GALNT13: variants seen among roughly 807,000 people sequenced by gnomAD.
GALNT13 encodes the protein UDP-GalNAc:polypeptide N-acetylgalactosaminyltransferase 13.
GALNT13 carries 28 observed loss-of-function variants against 64.2 expected under a neutral mutation model. The ratio of observed to expected loss-of-function variants is 0.44; its 90% confidence interval spans 0.32 to 0.60. The LOEUF (loss-of-function observed/expected upper bound fraction) is 0.60. Among genes scored for constraint, GALNT13 ranks in the 20% least tolerant of loss-of-function variants. The pLI is 0.05. For missense variants in GALNT13, 577 were observed against 669.8 expected (o/e 0.86, Z 1.53); for synonymous variants, 214 against 224.6 (o/e 0.95, Z 0.42).
At chr2:154,439,916 G>A (rs930088820) in intron 12 of GALNT13, among the ~76,000 whole-genome samples, 1 of 151,994 alleles carries the variant, frequency 6.6e-6, no homozygotes, top group Non-Finnish European at 1.5e-5. Context: ...TACTGCCTTC[G>A]CTATATCTTA....
intron 3 of GALNT13, among the ~76,000 whole-genome samples, chr2:154,084,673 G>A (rs187182355): frequency 2.6e-5 from 4 of 152,004 alleles, no homozygotes; most frequent in South Asian, 4.1e-4. Flanking sequence ...ATAGGGAAGC[G>A]TGTTAGTGCC....
chr2:153,708,176 A>C, the GALNT13 span, among the ~76,000 whole-genome samples: 7 of 152,106 alleles, frequency 4.6e-5, no homozygotes, highest in African/African-American at 1.4e-4. Flanking sequence ...AAAAAAAAGT[A>C]TTTTACATCA....
At chr2:153,168,243 T>C in the GALNT13 span, among the ~76,000 whole-genome samples, 1 of 152,236 alleles carries the variant, frequency 6.6e-6, no homozygotes, top group Non-Finnish European at 1.5e-5. Flanking sequence ...CAGAGACTAT[T>C]TCTAAATTCC....
the GALNT13 span, among the ~76,000 whole-genome samples, chr2:153,185,199 T>C: frequency 6.6e-6 from 1 of 152,208 alleles, no homozygotes; most frequent in African/African-American, 2.4e-5. Flanking sequence ...GGAGGGTACA[T>C]GTGTCCAGGG....
chr2:154,437,261 G>T lies in GALNT13; in HGVS notation c.1396-1331G>T, dbSNP rs183148284. The T allele has an allele frequency of 4.1e-4, 72 of 174,814 alleles. No individual in the cohort carries two copies. The East Asian group carries it at 0.013, about 33-fold the overall frequency. The allele number at this position is 174,814 out of a possible 1,614,324, so 10.8% of individuals were successfully genotyped here. ...AAGAGGGTATTTGTGTTCTGTCATT[G>T]ATTTTGCCGCTTCCTCTCACCACTT... is the stretch of plus-strand genomic sequence containing the variant. On this transcript the variant is annotated intron_variant, in intron 11 of 12. Transcript: ENST00000392825.
At chr2:153,388,064 G>A in the GALNT13 span, among the ~76,000 whole-genome samples, 3 of 151,902 alleles carry the variant, frequency 2.0e-5, no homozygotes, top group South Asian at 6.2e-4. Context: ...GGGAGGGGAG[G>A]GGAGGGAAGA....
At chr2:153,197,521 T>A in the GALNT13 span, among the ~76,000 whole-genome samples, 1 of 152,194 alleles carries the variant, frequency 6.6e-6, no homozygotes, top group East Asian at 1.9e-4. Flanking sequence ...TTCCTGAATA[T>A]GTTTGTGCAC....
the GALNT13 span, among the ~76,000 whole-genome samples, chr2:153,395,481 C>T: frequency 6.6e-6 from 1 of 152,128 alleles, no homozygotes; most frequent in African/African-American, 2.4e-5. Flanking sequence ...TCCATTTGGA[C>T]ACCCTTCCCA....
At chr2:153,249,287 G>A in the GALNT13 span, among the ~76,000 whole-genome samples, 2 of 152,126 alleles carry the variant, frequency 1.3e-5, no homozygotes, top group African/African-American at 4.8e-5. Flanking sequence ...TTAGTATAAA[G>A]AGAATAAAAT....
chr2:153,299,738 T>G, the GALNT13 span, among the ~76,000 whole-genome samples: 1 of 152,188 alleles, frequency 6.6e-6, no homozygotes, highest in African/African-American at 2.4e-5. Flanking sequence ...GAGCAGACCT[T>G]GAGGGCTGAA....
chr2:153,147,541 CT>C, the GALNT13 span, among the ~76,000 whole-genome samples: 24,173 of 131,904 alleles, frequency 0.18, 1,950 homozygotes, highest in Middle Eastern at 0.26. Context: ...AAGCATTAGA[CT>C]TTTTTTTTTT....
chr2:153,101,757 A>G, the GALNT13 span, among the ~76,000 whole-genome samples: 9 of 152,368 alleles, frequency 5.9e-5, no homozygotes, highest in South Asian at 1.7e-3. Context: ...TAATAGCTTC[A>G]TCTAGAGCTG....
chr2:153,990,115 C>T (rs971750342), intron 3 of GALNT13, among the ~76,000 whole-genome samples: 5 of 151,946 alleles, frequency 3.3e-5, no homozygotes, highest in African/African-American at 1.2e-4. Context: ...TTCATTTAAT[C>T]TTTCTGTAGA....
At chr2:153,501,398 C>T in the GALNT13 span, among the ~76,000 whole-genome samples, 1 of 152,054 alleles carries the variant, frequency 6.6e-6, no homozygotes, top group East Asian at 1.9e-4. Context: ...GTGGCACAAT[C>T]TCGGCTCACT....
At chr2:154,076,171 G>A (rs967599546) in intron 3 of GALNT13, among the ~76,000 whole-genome samples, 4 of 151,644 alleles carry the variant, frequency 2.6e-5, no homozygotes, top group East Asian at 1.9e-4. Context: ...AAAATCTTAC[G>A]GCAAATGGAA....
At chr2:153,278,668 A>G in the GALNT13 span, among the ~76,000 whole-genome samples, 1 of 151,990 alleles carries the variant, frequency 6.6e-6, no homozygotes, top group Non-Finnish European at 1.5e-5. Flanking sequence ...CTATAGGTGT[A>G]CAGCTATATT....
chr2:153,083,559 A>G, the GALNT13 span, among the ~76,000 whole-genome samples: 4 of 151,942 alleles, frequency 2.6e-5, no homozygotes, highest in African/African-American at 9.7e-5. Context: ...TTATCTGTTC[A>G]TGTCCCTTGC....
chr2:153,901,192 C>A (rs1046248351), intron 2 of GALNT13, among the ~76,000 whole-genome samples, 185 bp downstream of exon 2: 2 of 152,032 alleles, frequency 1.3e-5, no homozygotes, highest in African/African-American at 2.4e-5. Flanking sequence ...CTGTGTGTCT[C>A]TTTTTGTATC....
intron 4 of GALNT13, among the ~76,000 whole-genome samples, chr2:154,171,097 G>A (rs542081528): frequency 6.6e-6 from 1 of 152,194 alleles, no homozygotes; most frequent in Non-Finnish European, 1.5e-5. Flanking sequence ...TAGACACTCA[G>A]CAATGTTAAT....
Sources: gnomAD v4.1 joint callset for allele counts (sites outside exome capture counted in the v4.1 genomes callset) on GRCh38, gnomAD v4.1.1 for gene constraint, MANE v1.5 for transcripts, NCBI Gene and HGNC (gene_info 2026-07-23, HGNC 2026-07-21) for gene names.